The following HMCN1 variants were observed in gnomAD, a reference collection of about 807,000 sequenced individuals.
HMCN1 encodes the protein hemicentin-1.
HMCN1 carries 321 observed loss-of-function variants against 625.9 expected under a neutral mutation model. The ratio of observed to expected loss-of-function variants is 0.51; its 90% CI spans 0.47 to 0.56. The LOEUF is 0.56. Among genes scored for constraint, HMCN1 ranks in the 20% least tolerant of loss-of-function variants. HMCN1 has a pLI of 0.00. For synonymous variants in HMCN1, 2,425 were observed against 2,417.6 expected, an observed-to-expected ratio of 1.00 and a Z score of -0.09; for missense variants, 6,588 against 6,887.3, an observed-to-expected ratio of 0.96 and a Z score of 1.54.
In HMCN1 at chr1:186,055,494, C is replaced by A; in HGVS notation, c.6964C>A (p.Pro2322Thr). ...LECEVQGIPP[P>T]TVTWMKDGHP... ...GTGTGAGGTGCAGGGTATTCCACCA[C>A]CAACAGTGACCTGGATGAAAGATGG... The change falls in exon 45 of 107, where the codon CCA (proline) becomes ACA (threonine). Residue 2322 changes from proline to threonine, a missense_variant. By Grantham distance (38) the Pro-to-Thr change is conservative. Coordinates refer to ENST00000271588, the MANE Select transcript of HMCN1 (RefSeq NM_031935.3). 1 of 1,612,902 alleles carries A rather than the reference C, an allele frequency of 6.2e-7. No individual in the cohort carries two copies.
At chr1:185,943,044 T>A (rs1294170804) in intron 11 of HMCN1, among the ~76,000 whole-genome samples, 8 of 152,094 alleles carry the variant, frequency 5.3e-5, no homozygotes, top group African/African-American at 1.9e-4. Flanking sequence ...GAGGATATCA[T>A]AAAGGACACA....
At chr1:185,736,558 G>A (rs1041405443) in intron 1 of HMCN1, among the ~76,000 whole-genome samples, 6 of 152,134 alleles carry the variant, frequency 3.9e-5, no homozygotes, top group African/African-American at 9.7e-5. Flanking sequence ...CTAACACCAC[G>A]ATTTGCTTTT....
At position 186,013,589 on chromosome 1, in the gene HMCN1, C is replaced by A. The variant is rs186968909; in HGVS notation, c.4631-1570C>A. 6.8e-4 allele frequency among the ~76,000 whole-genome samples: 104 copies of A among 152,196 alleles called. 1 individual carries two copies. Among genetic ancestry groups the A allele is most frequent in the African/African-American group, 2.4e-3 (99 of 41,514 alleles). ...TCCTTTTCCATTAAAAGGGACCAGG[C>A]TCCTTGGAGAAATGGTTAAGTCTGG... On this transcript the variant is annotated intron_variant, in intron 30 of 106. Transcript: ENST00000271588.
intron 104 of HMCN1, among the ~76,000 whole-genome samples, chr1:186,180,708 G>A (rs142428375): frequency 3.9e-5 from 6 of 152,248 alleles, no homozygotes; most frequent in Admixed American, 3.9e-4. Flanking sequence ...TTCACAGTAA[G>A]GGTCAATCTT....
intron 18 of HMCN1, among the ~76,000 whole-genome samples, chr1:185,982,744 A>G (rs943026947): frequency 2.0e-5 from 3 of 152,088 alleles, no homozygotes; most frequent in Non-Finnish European, 4.4e-5. Flanking sequence ...CCTGGCCCAC[A>G]TTCCTAATTT....
rs1270343733 is a variant in HMCN1, at chr1:186,067,252, A to G, written c.7706-582A>G. On this transcript the variant is annotated intron_variant, in intron 49 of 106. Transcript: ENST00000271588. The stretch of plus-strand genomic sequence containing the variant: ...TCCTTCCACTTTATACCTTCCTTTA[A>G]TGCTCTAGTTCAGTTCCTCGTTATA... Among the ~76,000 whole-genome samples the G allele has an allele frequency of 2.0e-5, 3 of 152,108 alleles. No individual in the cohort carries two copies. The East Asian group carries it at 5.8e-4, about 29-fold the overall frequency.
intron 11 of HMCN1, among the ~76,000 whole-genome samples, chr1:185,951,781 G>T (rs867870501): frequency 6.7e-6 from 1 of 148,506 alleles, no homozygotes; most frequent in Non-Finnish European, 1.5e-5. Context: ...GGGGGAGGAG[G>T]TTCTGGAGGA....
intron 92 of HMCN1, 73 bp from the exon 93 acceptor site, chr1:186,145,680 G>C: frequency 6.2e-7 from 1 of 1,611,684 alleles, no homozygotes; most frequent in Non-Finnish European, 8.5e-7. Flanking sequence ...TATAGGCAGG[G>C]GCACCCCAAG....
rs140559544 is a variant in HMCN1 at position 186,038,858 on chromosome 1, C to T, written c.5881C>T (p.Leu1961Phe). The part of the protein sequence containing the change: ...VITWYKDNRL[L>F]SGSTSMTFLN... ...TACATGGTACAAAGATAATCGTCTA[C>T]TCTCAGGTTCCACCAGCATGACTTT... The change falls in exon 38 of 107, where the codon CTC becomes TTC. Residue 1961 changes from leucine (L) to phenylalanine (F), a missense_variant. By Grantham distance (22) the Leu-to-Phe change is conservative (BLOSUM62 0). Transcript: ENST00000271588. 751 of 1,604,488 alleles carry T rather than the reference C, an allele frequency of 4.7e-4. 7 individuals are homozygous for T. The highest frequency in any genetic ancestry group is 2.3e-3 in the Middle Eastern group (14 of 6,028).
intron 11 of HMCN1, among the ~76,000 whole-genome samples, chr1:185,954,074 T>C (rs895837252): frequency 2.7e-4 from 41 of 151,594 alleles, no homozygotes; most frequent in Admixed American, 5.9e-4. Context: ...TACACTTCTT[T>C]TGTGGTGGAA....
At chr1:185,858,704 G>T (rs1255817902) in intron 2 of HMCN1, among the ~76,000 whole-genome samples, 3 of 137,814 alleles carry the variant, frequency 2.2e-5, no homozygotes, top group African/African-American at 8.1e-5. Flanking sequence ...GCCCTCTTTG[G>T]CCTTCCAAAC....
intron 61 of HMCN1, 63 bp from the exon 62 acceptor site, chr1:186,088,082 G>A (rs1659623485): frequency 4.4e-6 from 7 of 1,609,116 alleles, no homozygotes; most frequent in Non-Finnish European, 5.9e-6. Context: ...TTCCAAATTA[G>A]CTTAATGAGG....
At chr1:185,787,442 A>T (rs1398697079) in intron 1 of HMCN1, among the ~76,000 whole-genome samples, 3 of 152,214 alleles carry the variant, frequency 2.0e-5, no homozygotes, top group African/African-American at 2.4e-5. Context: ...GTGCCCAGAT[A>T]CGCCAGTTGA....
chr1:186,156,289 G>A (rs995513930), intron 97 of HMCN1, among the ~76,000 whole-genome samples: 1 of 152,064 alleles, frequency 6.6e-6, no homozygotes, highest in Non-Finnish European at 1.5e-5. Context: ...AAAAATATTT[G>A]CATCACATGT....
chr1:185,993,094 A>G, intron 22 of HMCN1, 88 bp from the exon 23 acceptor site: 1 of 1,295,082 alleles, frequency 7.7e-7, no homozygotes, highest in Admixed American at 1.7e-5. Context: ...CTACTTGCAG[A>G]GTAGTAATTT....
chr1:185,824,833 C>CT (rs1484412060), intron 1 of HMCN1, among the ~76,000 whole-genome samples: 3 of 151,976 alleles, frequency 2.0e-5, no homozygotes, highest in Non-Finnish European at 4.4e-5. Flanking sequence ...TTTTTTCAAA[C>CT]TTTTTTATTC....
intron 97 of HMCN1, among the ~76,000 whole-genome samples, chr1:186,159,500 T>A (rs1030227453): frequency 6.6e-6 from 1 of 152,180 alleles, no homozygotes; most frequent in Admixed American, 6.5e-5. Flanking sequence ...CTTGTGCCAG[T>A]TTTCAAAGGG....
At chr1:186,127,644 G>A (rs1220001858) in intron 82 of HMCN1, among the ~76,000 whole-genome samples, 5 of 152,086 alleles carry the variant, frequency 3.3e-5, no homozygotes, top group Non-Finnish European at 7.4e-5. Flanking sequence ...AGCAAGTGAG[G>A]CCTCAGAATT....
intron 36 of HMCN1, among the ~76,000 whole-genome samples, chr1:186,036,341 G>A (rs1655820323): frequency 6.6e-6 from 1 of 152,128 alleles, no homozygotes; most frequent in Non-Finnish European, 1.5e-5. Context: ...AGCTGGGGAG[G>A]CCTCACAATC....
Sources: gnomAD v4.1 joint callset for allele counts (sites outside exome capture counted in the v4.1 genomes callset) on GRCh38, gnomAD v4.1.1 for gene constraint, MANE v1.5 for transcripts, NCBI Gene and HGNC (gene_info 2026-07-23, HGNC 2026-07-21) for gene names.